TMEM266: variants seen among roughly 807,000 people sequenced by gnomAD.
TMEM266 encodes the protein Hv1 related protein 1.
In TMEM266, 33 loss-of-function variants were observed where a neutral mutation model predicts 50.5. That is an observed-to-expected ratio of 0.65 (90% CI 0.50 to 0.87). TMEM266 has a LOEUF of 0.87. Ranked by LOEUF, TMEM266 falls within the 40% of genes least tolerant of loss-of-function variation. The pLI is 0.00. For synonymous variants in TMEM266, 310 were observed against 292.3 expected, an observed-to-expected ratio of 1.06 and a Z score of -0.62; for missense variants, 655 against 695.1, an observed-to-expected ratio of 0.94 and a Z score of 0.65.
intron 1 of TMEM266, among the ~76,000 whole-genome samples, chr15:76,129,594 A>G (rs1286551970): frequency 1.3e-5 from 2 of 152,134 alleles, no homozygotes; most frequent in Non-Finnish European, 2.9e-5. Context: ...TGAGCCAAGA[A>G]TCACACCATT....
Position 76,137,876 on chromosome 15 carries a change from G to A in TMEM266, c.208G>A (p.Glu70Lys), listed in dbSNP as rs762095902. The A allele has an allele frequency of 8.8e-6, 14 of 1,588,336 alleles. No homozygotes were observed. The highest frequency in any genetic ancestry group is 4.6e-5 in the South Asian group (4 of 86,468). The change falls in exon 3 of 11, where the codon GAA (glutamate) becomes AAA (lysine). Residue 70 changes from glutamate to lysine, a missense_variant. Coordinates refer to ENST00000388942, the MANE Select transcript of TMEM266 (RefSeq NM_152335.3). ...CTCGCAGCTCCTGTCAAATCTGGACGAAGATTACCAAAGAGAAGGGTAGGT... is the reference window on the plus strand; with the variant it reads ...CTCGCAGCTCCTGTCAAATCTGGACAAAGATTACCAAAGAGAAGGGTAGGT...
intron 10 of TMEM266, among the ~76,000 whole-genome samples, chr15:76,202,663 C>A (rs870296): frequency 0.28 from 43,008 of 151,848 alleles, 6,488 homozygotes; most frequent in East Asian, 0.56. Flanking sequence ...TGGGTACATT[C>A]CTGCTGGATG....
chr15:76,170,908 G>A (rs956723971), intron 6 of TMEM266, 85 bp from the exon 7 acceptor site: 3 of 1,482,510 alleles, frequency 2.0e-6, no homozygotes, highest in Admixed American at 2.2e-5. Context: ...GAAAAGTTGG[G>A]CAGCACCAGC....
chr15:76,079,089 A>G (rs1362314394), intron 1 of TMEM266, among the ~76,000 whole-genome samples: 4 of 152,232 alleles, frequency 2.6e-5, no homozygotes, highest in Admixed American at 1.3e-4. Flanking sequence ...CACGTGGCTC[A>G]CGCCTATAAT....
chr15:76,077,154 A>G (rs563867578), intron 1 of TMEM266, among the ~76,000 whole-genome samples: 97 of 152,076 alleles, frequency 6.4e-4, no homozygotes, highest in Non-Finnish European at 1.0e-3. Flanking sequence ...TTATAGAGAC[A>G]GGGTTTCGCC....
At chr15:76,138,797 G>A (rs111284161) in intron 3 of TMEM266, among the ~76,000 whole-genome samples, 1,815 of 152,282 alleles carry the variant, frequency 0.012, 37 homozygotes, top group African/African-American at 0.042. Context: ...GGATGCCTTC[G>A]TTTCCCAATT....
chr15:76,127,485 C>T (rs1316226733), intron 1 of TMEM266, among the ~76,000 whole-genome samples: 1 of 152,118 alleles, frequency 6.6e-6, no homozygotes, highest in Admixed American at 6.5e-5. Flanking sequence ...AGCCACCACA[C>T]CCAGCTAATT....
chr15:76,148,404 G>A (rs1053691508), intron 3 of TMEM266, among the ~76,000 whole-genome samples: 4 of 152,190 alleles, frequency 2.6e-5, no homozygotes, highest in African/African-American at 9.7e-5. Context: ...ACCGCCTCCA[G>A]GCCAGTCCTG....
intron 8 of TMEM266, among the ~76,000 whole-genome samples, chr15:76,180,416 C>T (rs2038380597): frequency 6.6e-6 from 1 of 151,846 alleles, no homozygotes; most frequent in Admixed American, 6.6e-5. Flanking sequence ...GATGTTTTTC[C>T]CAGGGTAAGC....
At chr15:76,197,285 C>T (rs1041743469) in intron 9 of TMEM266, among the ~76,000 whole-genome samples, 27 of 152,192 alleles carry the variant, frequency 1.8e-4, no homozygotes, top group African/African-American at 6.5e-4. Context: ...GAGCCTCAGG[C>T]AAAGTAGCAT....
intron 7 of TMEM266, among the ~76,000 whole-genome samples, chr15:76,173,955 AAG>A (rs1727009594): frequency 6.6e-6 from 1 of 151,586 alleles, no homozygotes; most frequent in Non-Finnish European, 1.5e-5. Flanking sequence ...AAAAAAAAAA[AAG>A]AGGTCTGTGG....
chr15:76,069,211 T>C (rs1289178705), intron 1 of TMEM266, among the ~76,000 whole-genome samples: 1 of 152,122 alleles, frequency 6.6e-6, no homozygotes, highest in South Asian at 2.1e-4. Context: ...CCTCTGGAAA[T>C]TGTAAGTCTA....
At chr15:76,147,037 C>G (rs889501654) in intron 3 of TMEM266, among the ~76,000 whole-genome samples, 2 of 152,086 alleles carry the variant, frequency 1.3e-5, no homozygotes, top group African/African-American at 4.8e-5. Context: ...GGGCTGCATG[C>G]AAATAAGGAT....
intron 1 of TMEM266, among the ~76,000 whole-genome samples, chr15:76,121,239 A>G (rs541114446): frequency 1.4e-3 from 217 of 152,302 alleles, no homozygotes; most frequent in African/African-American, 5.0e-3. Context: ...ACTTTTATGT[A>G]TTTATATATA....
Position 76,192,029 on chromosome 15 carries a change from G to C in TMEM266, c.830G>C (p.Arg277Pro). The change falls in exon 9 of 11, where the codon CGC (arginine) becomes CCC (proline). Residue 277 changes from arginine (R) to proline (P), a missense_variant. By Grantham distance (103) the Arg-to-Pro change is moderately radical (BLOSUM62 -2). This residue lies in a region of TMEM266 where 455 missense variants were observed against 401.8 expected (regional missense o/e 1.13). Coordinates refer to ENST00000388942, the MANE Select transcript of TMEM266 (RefSeq NM_152335.3). The stretch of plus-strand genomic sequence containing the variant: ...CAGGACCTGGACCTGGCTGCCGAGC[G>C]CGAAGCGGCGCTCCAGGCCCCGCAC... 1 of 1,567,156 alleles carries C rather than the reference G, an allele frequency of 6.4e-7. No individual in the cohort carries two copies. The highest frequency in any genetic ancestry group is 8.6e-7 in the Non-Finnish European group (1 of 1,162,556).
Position 76,104,454 on chromosome 15 carries a change from T to C in TMEM266, c.-96-29714T>C, listed in dbSNP as rs141443607. Among the ~76,000 whole-genome samples, 280 of 152,344 alleles carry C rather than the reference T, an allele frequency of 1.8e-3. 2 individuals are homozygous for C. The highest frequency in any genetic ancestry group is 6.5e-3 in the African/African-American group (272 of 41,586). On this transcript the variant is annotated intron_variant, in intron 1 of 10. Coordinates refer to ENST00000388942, the MANE Select transcript of TMEM266 (RefSeq NM_152335.3). Reference sequence around the variant, plus strand: ...ACATTTCCATCATCCCAGGAAACTCTACTGGACAGCGCTGATATGTCTCGA... The same window carrying C: ...ACATTTCCATCATCCCAGGAAACTCCACTGGACAGCGCTGATATGTCTCGA...
At position 76,156,772 on chromosome 15, in the gene TMEM266, G is replaced by A; in HGVS notation, c.382+14G>A. On this transcript the variant is annotated intron_variant, in intron 4 of 10. Transcript: ENST00000388942. ...AGCTTCTCCAGTGTGAGTAGCAAGA[G>A]AGATACATATGCCAATACATATGAT... is the stretch of plus-strand genomic sequence containing the variant. The A allele has an allele frequency of 6.2e-7, 1 of 1,611,978 alleles. No individual in the cohort carries two copies. The highest frequency in any genetic ancestry group is 1.1e-5 in the South Asian group (1 of 91,040).
chr15:76,193,196 G>A (rs1437858611), intron 9 of TMEM266, among the ~76,000 whole-genome samples: 1 of 152,138 alleles, frequency 6.6e-6, no homozygotes, highest in African/African-American at 2.4e-5. Flanking sequence ...AGGGCTGTAA[G>A]GCACTGCAAC....
At chr15:76,093,428 G>A (rs1213555475) in intron 1 of TMEM266, among the ~76,000 whole-genome samples, 2 of 151,772 alleles carry the variant, frequency 1.3e-5, no homozygotes, top group African/African-American at 4.8e-5. Flanking sequence ...TGAGAATGAT[G>A]GTTTCCAGCT....
Sources: allele counts gnomAD v4.1 joint callset (sites outside exome capture counted in the v4.1 genomes callset), GRCh38; gene constraint gnomAD v4.1.1; regional missense constraint gnomAD v4.1.1; transcripts MANE v1.5; gene names NCBI Gene and HGNC (gene_info 2026-07-23, HGNC 2026-07-21).